The following DCHS2 variants were observed in gnomAD, a reference collection of about 807,000 sequenced individuals.
DCHS2 encodes dachsous cadherin-related 2.
A neutral mutation model predicts 182.4 loss-of-function variants in DCHS2; 142 were observed. That is an observed-to-expected ratio of 0.78 (90% confidence interval 0.68 to 0.89). The LOEUF (loss-of-function observed/expected upper bound fraction) is 0.89. Ranked by LOEUF, DCHS2 falls within the 40% of genes least tolerant of loss-of-function variation. DCHS2 has a pLI of 0.00. For missense variants in DCHS2, 4,319 were observed against 4,198.6 expected, an observed-to-expected ratio of 1.03 and a Z score of -0.79; for synonymous variants, 1,740 against 1,663.3, an observed-to-expected ratio of 1.05 and a Z score of -1.12.
At chr4:154,463,619 C>G (rs200416247) in intron 1 of DCHS2, among the ~76,000 whole-genome samples, 34 of 151,948 alleles carry the variant, frequency 2.2e-4, no homozygotes, top group Non-Finnish European at 5.0e-4. Context: ...AAATGTATCC[C>G]TTAAGTCTTA....
chr4:154,421,004 A>G (rs562302720), intron 1 of DCHS2, among the ~76,000 whole-genome samples: 2 of 152,238 alleles, frequency 1.3e-5, no homozygotes, highest in African/African-American at 2.4e-5. Context: ...ATACACTACC[A>G]TCATTGGAAA....
At chr4:154,432,813 T>C (rs983923465) in intron 1 of DCHS2, among the ~76,000 whole-genome samples, 1 of 151,858 alleles carries the variant, frequency 6.6e-6, no homozygotes, top group African/African-American at 2.4e-5. Flanking sequence ...AGCCATCCAA[T>C]AGGAGAAAGG....
intron 1 of DCHS2, among the ~76,000 whole-genome samples, chr4:154,386,763 G>A (rs967737199): frequency 2.0e-5 from 3 of 152,060 alleles, no homozygotes; most frequent in Non-Finnish European, 4.4e-5. Flanking sequence ...ATACAAGCAC[G>A]TTTAAGAAAT....
chr4:154,234,445 A>C lies in DCHS2; in HGVS notation c.*91T>G. 7.0e-7 allele frequency: 1 copy of C among 1,422,826 alleles called. No homozygotes were observed. Among genetic ancestry groups the C allele is most frequent in the African/African-American group, 1.4e-5 (1 of 69,452 alleles). The allele number at this position is 1,422,826 out of a possible 1,614,324, so 88.1% of individuals were successfully genotyped here. On this transcript the variant is annotated 3_prime_UTR_variant, in exon 20 of 20. Coordinates refer to ENST00000357232, the MANE Select transcript of DCHS2 (RefSeq NM_001358235.2). ...AATTACATCACTTGCTTTTAGATAA[A>C]AATGAGCCCAATCTCGAGTTGCTGG...
chr4:154,433,799 A>G (rs1733664968), intron 1 of DCHS2, among the ~76,000 whole-genome samples: 1 of 152,128 alleles, frequency 6.6e-6, no homozygotes, highest in Non-Finnish European at 1.5e-5. Flanking sequence ...CGCTGCTCTC[A>G]CTGGCTCCAG....
chr4:154,284,737 G>A (rs1402061499), intron 13 of DCHS2, among the ~76,000 whole-genome samples: 2 of 152,188 alleles, frequency 1.3e-5, no homozygotes, highest in Non-Finnish European at 2.9e-5. Flanking sequence ...TGTCTCAGCA[G>A]TTGGAACCTG....
chr4:154,404,030 C>A (rs959930716), intron 1 of DCHS2, among the ~76,000 whole-genome samples: 2 of 151,892 alleles, frequency 1.3e-5, no homozygotes, highest in African/African-American at 2.4e-5. Context: ...TTTCAAAAAA[C>A]TTTCATATGG....
chr4:154,321,316 C>T, intron 8 of DCHS2, 94 bp from the exon 9 acceptor site: 1 of 1,279,344 alleles, frequency 7.8e-7, no homozygotes, highest in Non-Finnish European at 1.0e-6. Context: ...CAAATTCCTT[C>T]CATGTATGTG....
intron 3 of DCHS2, among the ~76,000 whole-genome samples, chr4:154,351,136 C>T (rs1729590870): frequency 6.6e-6 from 1 of 152,090 alleles, no homozygotes; most frequent in African/African-American, 2.4e-5. Flanking sequence ...CAGTGAGAAG[C>T]AGAGGGATTT....
chr4:154,428,917 A>G lies in DCHS2; in HGVS notation c.2053-51473T>C, dbSNP rs187528669. On this transcript the variant is annotated intron_variant, in intron 1 of 19. Coordinates refer to ENST00000357232, the MANE Select transcript of DCHS2 (RefSeq NM_001358235.2). ...AGAGCGAGACTCCATCTCAAAGAAA[A>G]AAAAGGAAAGTGGGTAAAAAGGCAA... 3.8e-3 allele frequency among the ~76,000 whole-genome samples: 572 copies of G among 152,232 alleles called. 5 individuals carry two copies. The highest frequency in any genetic ancestry group is 0.013 in the African/African-American group (547 of 41,526).
At chr4:154,255,142 C>T (rs1732590194) in intron 16 of DCHS2, among the ~76,000 whole-genome samples, 1 of 152,148 alleles carries the variant, frequency 6.6e-6, no homozygotes, top group Non-Finnish European at 1.5e-5. Context: ...CAAGGTATCC[C>T]TCAGTCGTCA....
chr4:154,259,785 GA>G, intron 14 of DCHS2, 29 bp from the exon 15 acceptor site: 1 of 1,572,190 alleles, frequency 6.4e-7, no homozygotes, highest in Non-Finnish European at 8.6e-7. Flanking sequence ...AGAAAAAAAA[GA>G]AAATGATGTT....
At chr4:154,274,929 A>T (rs974701245) in intron 13 of DCHS2, among the ~76,000 whole-genome samples, 6 of 152,088 alleles carry the variant, frequency 3.9e-5, no homozygotes, top group African/African-American at 1.4e-4. Context: ...GCTACTCAAG[A>T]TCTTTGCTGA....
intron 14 of DCHS2, among the ~76,000 whole-genome samples, 170 bp from the exon 15 acceptor site, chr4:154,259,926 G>A (rs952526663): frequency 2.0e-5 from 3 of 152,050 alleles, no homozygotes; most frequent in East Asian, 1.9e-4. Context: ...GGGTTCAAGC[G>A]ATTCTCCTGC....
At chr4:154,358,206 A>G (rs1166192524) in intron 3 of DCHS2, among the ~76,000 whole-genome samples, 2 of 152,120 alleles carry the variant, frequency 1.3e-5, no homozygotes, top group Non-Finnish European at 2.9e-5. Flanking sequence ...AATAATTTCT[A>G]TCTTCATGTG....
At chr4:154,393,266 A>G (rs1579041855) in intron 1 of DCHS2, among the ~76,000 whole-genome samples, 2 of 152,308 alleles carry the variant, frequency 1.3e-5, no homozygotes, top group East Asian at 3.9e-4. Flanking sequence ...TGCAAAGCCC[A>G]TTCCTTGCAA....
In DCHS2 at chr4:154,472,178, C is replaced by A. The variant is rs116499564; in HGVS notation, c.2052+17126G>T. Among the ~76,000 whole-genome samples, 601 of 152,326 alleles carry A rather than the reference C, an allele frequency of 3.9e-3. 4 individuals are homozygous for A. The highest frequency in any genetic ancestry group is 6.6e-3 in the Non-Finnish European group (452 of 68,034). On this transcript the variant is annotated intron_variant, in intron 1 of 19. Coordinates refer to ENST00000357232, the MANE Select transcript of DCHS2 (RefSeq NM_001358235.2). ...ACAGTGTCACACATATGTAAATAAT[C>A]CACAGTTTTAAAAGGCTGTTTTCTC...
At chr4:154,397,625 C>G (rs557045386) in intron 1 of DCHS2, among the ~76,000 whole-genome samples, 1 of 152,238 alleles carries the variant, frequency 6.6e-6, no homozygotes, top group South Asian at 2.1e-4. Context: ...GTACCTTTTC[C>G]CTACTTTTTT....
intron 10 of DCHS2, 133 bp downstream of exon 10, chr4:154,315,615 A>G: frequency 7.5e-7 from 1 of 1,338,414 alleles, no homozygotes; most frequent in Non-Finnish European, 1.0e-6. Flanking sequence ...ATGCAAATGA[A>G]AGAAGTATTA....
Sources: allele counts gnomAD v4.1 joint callset (sites outside exome capture counted in the v4.1 genomes callset), GRCh38; gene constraint gnomAD v4.1.1; transcripts MANE v1.5; gene names NCBI Gene and HGNC (gene_info 2026-07-23, HGNC 2026-07-21).